The following ATP8A1 variants were observed in gnomAD, a reference collection of about 807,000 sequenced individuals.
ATP8A1 encodes the protein ATPase phospholipid transporting 8A1.
In ATP8A1, 90 loss-of-function variants were observed where a neutral mutation model predicts 177.7. The observed-to-expected ratio is 0.51, with a 90% CI of 0.43 to 0.60. The LOEUF is 0.60. Among genes scored for constraint, ATP8A1 ranks in the 20% least tolerant of loss-of-function variants. The probability of loss-of-function intolerance (pLI) is 0.00; values close to 1 mark genes in which losing one functional copy is unlikely to be tolerated. For synonymous variants in ATP8A1, 493 were observed against 485.9 expected (o/e 1.01, Z -0.19); for missense variants, 1,072 against 1,392.8 (o/e 0.77, Z 3.67).
intron 4 of ATP8A1, among the ~76,000 whole-genome samples, chr4:42,621,886 T>C (rs987765848): frequency 6.6e-6 from 1 of 152,022 alleles, no homozygotes; most frequent in African/African-American, 2.4e-5. Context: ...AGAACACACA[T>C]AGACCAATGG....
chr4:42,574,622 T>C lies in ATP8A1; in HGVS notation c.1292A>G (p.Tyr431Cys). The C allele has an allele frequency of 6.2e-7, 1 of 1,607,954 alleles. No homozygotes were observed. The highest frequency in any genetic ancestry group is 1.1e-5 in the South Asian group (1 of 89,186). Residue 431 changes from tyrosine (Y) to cysteine (C), a missense_variant, in exon 14 of 37, where the codon TAT becomes TGT. Transcript: ENST00000381668. Reference protein sequence around the residue: ...FKKCTIAGVAYGHVPEPEDYG... With the variant: ...FKKCTIAGVACGHVPEPEDYG... ...CTAATTAAAGGAAAAAACTCACCCA[T>C]AAGCAACTCCCGCTATGGTGCACTT...
chr4:42,469,170 CTTTTAGAGCATTAT>C (rs1295571578), intron 25 of ATP8A1, among the ~76,000 whole-genome samples: 5 of 152,258 alleles, frequency 3.3e-5, no homozygotes, highest in Non-Finnish European at 7.4e-5. Flanking sequence ...CTCAAAAAGT[CTTTTAGAGCATTAT>C]ACCTGGATTT....
chr4:42,629,737 A>T (rs1738527313), intron 1 of ATP8A1, among the ~76,000 whole-genome samples: 1 of 152,268 alleles, frequency 6.6e-6, no homozygotes, highest in South Asian at 2.1e-4. Context: ...ACTTGACCTC[A>T]GAGATCCTCA....
At chr4:42,568,182 TG>T (rs552755140) in intron 15 of ATP8A1, among the ~76,000 whole-genome samples, 22 of 152,216 alleles carry the variant, frequency 1.4e-4, no homozygotes, top group Non-Finnish European at 2.8e-4. Context: ...TCTCATCAGT[TG>T]TCACAAGAAC....
Position 42,579,875 on chromosome 4 carries a change from G to A in ATP8A1, c.938C>T (p.Ser313Phe). The A allele has an allele frequency of 1.2e-6, 2 of 1,613,722 alleles. No individual in the cohort carries two copies. The highest frequency in any genetic ancestry group is 1.7e-6 in the Non-Finnish European group (2 of 1,179,808). The change falls in exon 11 of 37, where the codon TCT becomes TTT. Residue 313 changes from serine (S) to phenylalanine (F), a missense_variant. This residue lies in a region of ATP8A1 where 344 missense variants were observed against 393.5 expected (regional missense o/e 0.87). Transcript: ENST00000381668. ...CILIAMSLVC[S>F]VGSAIWNRRH... Reference sequence around the variant, plus strand: ...TCGATTCCAAATGGCTGAGCCCACAGAACAGACAAGAGACATGGCAATTAA... The same window carrying A: ...TCGATTCCAAATGGCTGAGCCCACAAAACAGACAAGAGACATGGCAATTAA...
intron 30 of ATP8A1, among the ~76,000 whole-genome samples, chr4:42,450,231 T>A (rs1223909060): frequency 6.6e-6 from 1 of 152,160 alleles, no homozygotes; most frequent in Non-Finnish European, 1.5e-5. Flanking sequence ...CACGGTCACA[T>A]AATGATTCCA....
chr4:42,435,441 AAAAAAAAAC>A (rs1560320370), intron 33 of ATP8A1, among the ~76,000 whole-genome samples: 58 of 107,950 alleles, frequency 5.4e-4, no homozygotes, highest in South Asian at 3.5e-3. Flanking sequence ...AAAAAAAAAA[AAAAAAAAAC>A]AAAAAAAAAA....
chr4:42,652,526 A>G (rs558549808), intron 1 of ATP8A1, among the ~76,000 whole-genome samples: 2 of 152,228 alleles, frequency 1.3e-5, no homozygotes, highest in African/African-American at 4.8e-5. Context: ...CTCCTGCCCT[A>G]TGTTTACTAA....
intron 6 of ATP8A1, chr4:42,594,471 C>A: frequency 6.2e-6 from 4 of 647,020 alleles, no homozygotes; most frequent in Non-Finnish European, 1.1e-5. Context: ...TATCGGCAAA[C>A]AAGAACCACT....
In ATP8A1 at chr4:42,652,508, CCTT is replaced by C. The variant is rs564825924; in HGVS notation, c.49+4314_49+4316del. Among the ~76,000 whole-genome samples, 243 of 152,106 alleles carry C rather than the reference CCTT, an allele frequency of 1.6e-3. 3 individuals are homozygous for C. The highest frequency in any genetic ancestry group is 5.6e-3 in the African/African-American group (233 of 41,498). Reference sequence around the variant, plus strand: ...TGAGACTTGCTTTTTTCAAAAAAGTCCTTCTCTCTCCTGCCCTATGTTTACTAA... The same window carrying C: ...TGAGACTTGCTTTTTTCAAAAAAGTCCTCTCTCCTGCCCTATGTTTACTAA... On this transcript the variant is annotated intron_variant, in intron 1 of 36. Coordinates refer to ENST00000381668, the MANE Select transcript of ATP8A1 (RefSeq NM_006095.2).
At chr4:42,443,464 A>G (rs1716854344) in intron 33 of ATP8A1, 101 bp downstream of exon 33, 1 of 595,424 alleles carries the variant, frequency 1.7e-6, no homozygotes. Context: ...CTATTTTAAT[A>G]TAAATCAACA....
chr4:42,413,832 C>T (rs747444886), intron 36 of ATP8A1, among the ~76,000 whole-genome samples: 13 of 152,154 alleles, frequency 8.5e-5, no homozygotes, highest in Non-Finnish European at 1.6e-4. Context: ...TAAATATAGA[C>T]AATTATTGTT....
chr4:42,629,070 G>C (rs1738436499), intron 1 of ATP8A1, among the ~76,000 whole-genome samples: 2 of 152,178 alleles, frequency 1.3e-5, no homozygotes, highest in South Asian at 2.1e-4. Context: ...ATTGGATACT[G>C]CATCTCCCCC....
At chr4:42,427,919 C>T (rs1408122149) in intron 33 of ATP8A1, among the ~76,000 whole-genome samples, 4 of 152,096 alleles carry the variant, frequency 2.6e-5, no homozygotes, top group Non-Finnish European at 4.4e-5. Flanking sequence ...AAACATCCCA[C>T]ACAACTAATT....
At chr4:42,546,068 T>A (rs934115439) in intron 19 of ATP8A1, among the ~76,000 whole-genome samples, 5 of 152,130 alleles carry the variant, frequency 3.3e-5, no homozygotes, top group Non-Finnish European at 5.9e-5. Flanking sequence ...CCTGATATGA[T>A]GGAAGAAACA....
chr4:42,626,637 G>C (rs1738130987), intron 2 of ATP8A1: 1 of 244,370 alleles, frequency 4.1e-6, no homozygotes, highest in Non-Finnish European at 8.0e-6. Context: ...AATTCTTGGT[G>C]CAGAATTGCA....
At chr4:42,424,408 G>T (rs1052058438) in intron 33 of ATP8A1, among the ~76,000 whole-genome samples, 21 of 151,954 alleles carry the variant, frequency 1.4e-4, no homozygotes, top group Non-Finnish European at 2.9e-5. Context: ...AAAAGCAAAA[G>T]AAATATTTTG....
At chr4:42,435,332 A>G (rs901184758) in intron 33 of ATP8A1, among the ~76,000 whole-genome samples, 2 of 151,100 alleles carry the variant, frequency 1.3e-5, no homozygotes, top group Admixed American at 6.6e-5. Context: ...AGGCTGAGGC[A>G]GGACAATAGC....
Position 42,518,638 on chromosome 4 carries a change from C to A in ATP8A1, c.1947+3522G>T, listed in dbSNP as rs77977246. ...AAAAATAAAAGATGTGAAAACGACC[C>A]TCACAGTTTAAAGATTCACTGTCTG... On this transcript the variant is annotated intron_variant, in intron 22 of 36. Coordinates refer to ENST00000381668, the MANE Select transcript of ATP8A1 (RefSeq NM_006095.2). 3.7e-4 allele frequency among the ~76,000 whole-genome samples: 57 copies of A among 152,318 alleles called. No homozygotes were observed. In the East Asian group the frequency reaches 5.2e-3, roughly 14 times the overall value.
Sources: allele counts gnomAD v4.1 joint callset (sites outside exome capture counted in the v4.1 genomes callset), GRCh38; gene constraint gnomAD v4.1.1; regional missense constraint gnomAD v4.1.1; transcripts MANE v1.5; gene names NCBI Gene and HGNC (gene_info 2026-07-23, HGNC 2026-07-21).